The following CHST13 variants were observed in gnomAD, a reference collection of about 807,000 sequenced individuals.
CHST13 encodes C4ST-3.
Under a neutral mutation model 7.0 loss-of-function variants are expected in CHST13, and 1 was observed. The observed-to-expected ratio is 0.14, with a 90% CI of 0.05 to 0.68. The LOEUF (loss-of-function observed/expected upper bound fraction) is 0.68. Among genes scored for constraint, CHST13 ranks in the 30% least tolerant of loss-of-function variants. The pLI is 0.82. For synonymous variants in CHST13, 257 were observed against 240.9 expected, an observed-to-expected ratio of 1.07 and a Z score of -0.62; for missense variants, 572 against 507.9, an observed-to-expected ratio of 1.13 and a Z score of -1.21.
In CHST13 at chr3:126,524,340, G is replaced by A. The variant is rs986115949; in HGVS notation, c.8G>A (p.Arg3Lys). The A allele has an allele frequency of 1.1e-5, 13 of 1,235,322 alleles. No individual in the cohort carries two copies. In the African/African-American group the frequency reaches 1.4e-4, roughly 13 times the overall value. The allele number at this position is 1,235,322 out of a possible 1,614,324, so 76.5% of individuals were successfully genotyped here. A position where few individuals can be genotyped will look rare whatever the true frequency, so the allele number is the denominator to read the frequency against. The change falls in exon 1 of 3, where the codon AGG becomes AAG. Residue 3 changes from arginine (R) to lysine (K), a missense_variant. Physicochemically the swap from Arg to Lys is conservative, Grantham distance 26 (BLOSUM62 2). Transcript: ENST00000319340. Reference protein sequence around the residue: MGRRCCRRRVLAA... With the variant: MGKRCCRRRVLAA... ...CCGCGCGCCCGGCACAGCATGGGGA[G>A]GCGCTGCTGCCGGCGGCGCGTGCTG...
chr3:126,530,506 T>A (rs1936635110), intron 1 of CHST13, among the ~76,000 whole-genome samples: 1 of 152,170 alleles, frequency 6.6e-6, no homozygotes, highest in Non-Finnish European at 1.5e-5. Context: ...GAGCACCAGT[T>A]CTTCCTCAGT....
chr3:126,542,333 T>C lies in CHST13; in HGVS notation c.781T>C (p.Tyr261His). 2 of 1,566,698 alleles carry C rather than the reference T, an allele frequency of 1.3e-6. No homozygotes were observed. The highest frequency in any genetic ancestry group is 1.7e-6 in the Non-Finnish European group (2 of 1,158,668). ...HALCHPCRLRYDVVGKFETLA... is the reference protein window; with the variant it reads ...HALCHPCRLRHDVVGKFETLA... ...GCTCTGCCACCCGTGTCGCCTCCGC[T>C]ACGACGTCGTGGGCAAGTTCGAGAC... is the stretch of plus-strand genomic sequence containing the variant. Residue 261 changes from tyrosine (Y) to histidine (H), a missense_variant, in exon 3 of 3, where the codon TAC (tyrosine) becomes CAC (histidine). Transcript: ENST00000319340.
At chr3:126,524,535 T>C in intron 1 of CHST13, 106 bp downstream of exon 1, 2 of 382,802 alleles carry the variant, frequency 5.2e-6, no homozygotes, top group Non-Finnish European at 9.0e-6. Flanking sequence ...TGTTGTCTCC[T>C]TCCTGGCTGG....
rs1209497546 is a variant in CHST13, at chr3:126,541,752, C to T, written c.200C>T (p.Ala67Val). Residue 67 changes from alanine (A) to valine (V), a missense_variant, in exon 3 of 3, where the codon GCG (alanine) becomes GTG (valine). Coordinates refer to ENST00000319340, the MANE Select transcript of CHST13 (RefSeq NM_152889.3). ...CCACAGGACCCGCGCTCGACCCTGG[C>T]GAAGGTGCACCGGCAGCGGCGCGAC... The part of the protein sequence containing the change: ...DLDQDPRSTL[A>V]KVHRQRRDLL... 1 of 1,497,854 alleles carries T rather than the reference C, an allele frequency of 6.7e-7. No individual in the cohort carries two copies. Among genetic ancestry groups the T allele is most frequent in the Non-Finnish European group, 8.9e-7 (1 of 1,125,484 alleles). 92.8% of individuals were successfully genotyped at this position (1,497,854 alleles called of 1,614,324 possible). A position where few individuals can be genotyped will look rare whatever the true frequency, so the allele number is the denominator to read the frequency against.
chr3:126,541,011 G>A (rs1011762111), intron 2 of CHST13, among the ~76,000 whole-genome samples: 2 of 152,230 alleles, frequency 1.3e-5, no homozygotes, highest in Non-Finnish European at 2.9e-5. Context: ...GGGCAGGAGT[G>A]ATCTGAAGAA....
Position 126,536,049 on chromosome 3 carries a change from A to G in CHST13, c.98-222A>G, listed in dbSNP as rs563186879. Reference sequence around the variant, plus strand: ...ACCCTCCAACTTTGGAGGGTAGGACATGGGAGCAGGAATGACACAAGATAC... The same window carrying G: ...ACCCTCCAACTTTGGAGGGTAGGACGTGGGAGCAGGAATGACACAAGATAC... On this transcript the variant is annotated intron_variant, in intron 1 of 2. Coordinates refer to ENST00000319340, the MANE Select transcript of CHST13 (RefSeq NM_152889.3). Among the ~76,000 whole-genome samples, 12 of 152,276 alleles carry G rather than the reference A, an allele frequency of 7.9e-5. No individual in the cohort carries two copies. In the South Asian group the frequency reaches 2.5e-3, roughly 32 times the overall value.
rs1936999250 is a variant in CHST13 at position 126,542,745 on chromosome 3, G to C, written c.*167G>C. 9.2e-7 allele frequency: 1 copy of C among 1,087,366 alleles called. No individual in the cohort carries two copies. The highest frequency in any genetic ancestry group is 1.7e-5 in the African/African-American group (1 of 60,128). 67.4% of individuals were successfully genotyped at this position (1,087,366 alleles called of 1,614,324 possible). Reference sequence around the variant, plus strand: ...GCACACCTGGCCAGGCTTGGGGGCAGCCCATCTCAGGTGGCCCTGCACGCG... The same window carrying C: ...GCACACCTGGCCAGGCTTGGGGGCACCCCATCTCAGGTGGCCCTGCACGCG... On this transcript the variant is annotated 3_prime_UTR_variant, in exon 3 of 3. Transcript: ENST00000319340.
chr3:126,542,580 G>C lies in CHST13; in HGVS notation c.*2G>C. On this transcript the variant is annotated 3_prime_UTR_variant, in exon 3 of 3. Coordinates refer to ENST00000319340, the MANE Select transcript of CHST13 (RefSeq NM_152889.3). ...CCCTCCTACCTGCGGCTGCTCTAGC[G>C]GTCCTGGAGGTCCTGTGGCCACGCG... 1 of 1,467,694 alleles carries C rather than the reference G, an allele frequency of 6.8e-7. No individual in the cohort carries two copies. Among genetic ancestry groups the C allele is most frequent in the Non-Finnish European group, 9.0e-7 (1 of 1,111,862 alleles). The allele number at this position is 1,467,694 out of a possible 1,614,324, so 90.9% of individuals were successfully genotyped here. A position where few individuals can be genotyped will look rare whatever the true frequency, so the allele number is the denominator to read the frequency against.
intron 1 of CHST13, among the ~76,000 whole-genome samples, chr3:126,524,840 C>T (rs968843256): frequency 6.6e-6 from 1 of 152,202 alleles, no homozygotes; most frequent in Non-Finnish European, 1.5e-5. Flanking sequence ...TTGGGCCACT[C>T]GGTCCGGTCC....
chr3:126,542,170 G>C lies in CHST13; in HGVS notation c.618G>C (p.Gln206His). ...FQRRYGARIV[Q>H]RLRPRALPDA... Reference sequence around the variant, plus strand: ...GGCGCTACGGTGCACGCATCGTTCAGCGCCTGCGGCCGCGCGCGCTCCCCG... The same window carrying C: ...GGCGCTACGGTGCACGCATCGTTCACCGCCTGCGGCCGCGCGCGCTCCCCG... Residue 206 changes from glutamine (Q) to histidine (H), a missense_variant, in exon 3 of 3, where the codon CAG becomes CAC. Physicochemically the swap from Gln to His is conservative, Grantham distance 24. Coordinates refer to ENST00000319340, the MANE Select transcript of CHST13 (RefSeq NM_152889.3). The C allele has an allele frequency of 6.8e-7, 1 of 1,476,380 alleles. No homozygotes were observed. The highest frequency in any genetic ancestry group is 8.9e-7 in the Non-Finnish European group (1 of 1,121,712). 91.5% of individuals were successfully genotyped at this position (1,476,380 alleles called of 1,614,324 possible).
chr3:126,534,662 A>G (rs564974041), intron 1 of CHST13, among the ~76,000 whole-genome samples: 2 of 147,502 alleles, frequency 1.4e-5, no homozygotes, highest in South Asian at 4.3e-4. Context: ...GATAGACAGC[A>G]TTGCTGTCCT....
rs764873281 is a variant in CHST13 at position 126,542,197 on chromosome 3, C to T, written c.645C>T (p.Asp215=). 3 of 1,440,664 alleles carry T rather than the reference C, an allele frequency of 2.1e-6. No homozygotes were observed. The highest frequency in any genetic ancestry group is 1.5e-5 in the African/African-American group (1 of 66,424). The allele number at this position is 1,440,664 out of a possible 1,614,324, so 89.2% of individuals were successfully genotyped here. Residue 215 remains aspartate, a synonymous_variant, in exon 3 of 3, where the codon GAC becomes GAT. Transcript: ENST00000319340. ...GCCTGCGGCCGCGCGCGCTCCCCGA[C>T]GCCCGGGCCCGCGGCCACGACGTGC... is the stretch of plus-strand genomic sequence containing the variant. ...VQRLRPRALP[D]ARARGHDVRF...
chr3:126,536,226 A>G, intron 1 of CHST13, 45 bp from the exon 2 acceptor site: 5 of 1,562,470 alleles, frequency 3.2e-6, no homozygotes, highest in Non-Finnish European at 4.4e-6. Flanking sequence ...GGTCCATGCA[A>G]GTCCCTCTGA....
At position 126,532,980 on chromosome 3, in the gene CHST13, C is replaced by G. The variant is rs371718270; in HGVS notation, c.98-3291C>G. Among the ~76,000 whole-genome samples, 8 of 152,230 alleles carry G rather than the reference C, an allele frequency of 5.3e-5. 1 individual carries two copies. The highest frequency in any genetic ancestry group is 1.9e-4 in the African/African-American group (8 of 41,550). On this transcript the variant is annotated intron_variant, in intron 1 of 2. Coordinates refer to ENST00000319340, the MANE Select transcript of CHST13 (RefSeq NM_152889.3). ...TTTTCAGTGGACAGGTCTTATACTT[C>G]CTTTGTTACCAACTTCTTCTTTATT...
chr3:126,531,438 C>G (rs1236687955), intron 1 of CHST13, among the ~76,000 whole-genome samples: 1 of 151,840 alleles, frequency 6.6e-6, no homozygotes, highest in Non-Finnish European at 1.5e-5. Flanking sequence ...ATCACAGAAG[C>G]ATTTATCCTT....
Position 126,543,194 on chromosome 3 carries a change from C to G in CHST13, c.*616C>G, listed in dbSNP as rs1937009972. 1.3e-5 allele frequency: 2 copies of G among 152,272 alleles called. No homozygotes were observed. Among genetic ancestry groups the G allele is most frequent in the African/African-American group, 4.8e-5 (2 of 41,462 alleles). 9.4% of individuals were successfully genotyped at this position (152,272 alleles called of 1,614,324 possible). ...GACGCTGGGTCTTCAGGCTCCATGC[C>G]AACAGAGCCCCTGGTGCAATGCGGT... On this transcript the variant is annotated 3_prime_UTR_variant, in exon 3 of 3. Transcript: ENST00000319340.
In CHST13 at chr3:126,524,302, G is replaced by T; in HGVS notation, c.-31G>T. ...AACTCCGCCCCCAGCCGTATCCAGC[G>T]GACTGTCCTCCGCCGCGCGCCCGGC... On this transcript the variant is annotated 5_prime_UTR_variant, in exon 1 of 3. Coordinates refer to ENST00000319340, the MANE Select transcript of CHST13 (RefSeq NM_152889.3). 8.1e-7 allele frequency: 1 copy of T among 1,227,806 alleles called. No individual in the cohort carries two copies. The highest frequency in any genetic ancestry group is 1.0e-6 in the Non-Finnish European group (1 of 984,842). 76.1% of individuals were successfully genotyped at this position (1,227,806 alleles called of 1,614,324 possible).
At chr3:126,530,738 C>T (rs1021143449) in intron 1 of CHST13, among the ~76,000 whole-genome samples, 6 of 152,236 alleles carry the variant, frequency 3.9e-5, no homozygotes, top group East Asian at 1.9e-4. Flanking sequence ...TTTCTGATGA[C>T]GGTGTCGTTC....
intron 2 of CHST13, among the ~76,000 whole-genome samples, 179 bp from the exon 3 acceptor site, chr3:126,541,554 G>T (rs1397082987): frequency 6.6e-6 from 1 of 152,180 alleles, no homozygotes; most frequent in Non-Finnish European, 1.5e-5. Flanking sequence ...TCTCGGCCCA[G>T]GACAGATGCC....
Sources: gnomAD v4.1 joint callset for allele counts (sites outside exome capture counted in the v4.1 genomes callset) on GRCh38, gnomAD v4.1.1 for gene constraint, MANE v1.5 for transcripts, NCBI Gene and HGNC (gene_info 2026-07-23, HGNC 2026-07-21) for gene names.